PDE4D: variants seen among roughly 807,000 people sequenced by gnomAD.
The protein encoded by PDE4D is 3',5'-cyclic-AMP phosphodiesterase 4D.
In PDE4D, 24 loss-of-function variants were observed where a neutral mutation model predicts 87.4. The ratio of observed to expected loss-of-function variants is 0.27; its 90% confidence interval spans 0.20 to 0.39. The LOEUF is 0.39. Among genes scored for constraint, PDE4D ranks in the 10% least tolerant of loss-of-function variants. The pLI is 1.00. For missense variants in PDE4D, 714 were observed against 1,041.0 expected (o/e 0.69, Z 4.32); for synonymous variants, 384 against 383.2 (o/e 1.00, Z -0.02).
intron 1 of PDE4D, among the ~76,000 whole-genome samples, chr5:59,376,739 C>CA (rs1268927839): frequency 1.3e-5 from 2 of 151,938 alleles, no homozygotes; most frequent in African/African-American, 4.8e-5. Flanking sequence ...CAATCCTCAG[C>CA]AAAAAGAACA....
chr5:59,541,337 ATTG>A (rs1184328027), intron 1 of PDE4D, among the ~76,000 whole-genome samples: 1 of 152,222 alleles, frequency 6.6e-6, no homozygotes. Flanking sequence ...ATCAAAATAG[ATTG>A]TTTTTATAAA....
rs767287011 is a variant in PDE4D at position 59,243,448 on chromosome 5, CTTTTTTTTTTTTT to C, written c.456-27493_456-27481del. The stretch of plus-strand genomic sequence containing the variant: ...TCACTATACAATTTCTTAAAATAAC[CTTTTTTTTTTTTT>C]TTTTTTTTTTTTTTTGAGACGGAGT... On this transcript the variant is annotated intron_variant, in intron 1 of 14. Transcript: ENST00000340635. 4.1e-5 allele frequency among the ~76,000 whole-genome samples: 3 copies of C among 72,304 alleles called. No homozygotes were observed. The East Asian group carries it at 8.7e-4, about 21-fold the overall frequency. 47.4% of individuals were successfully genotyped at this position (72,304 alleles called of 152,430 possible).
rs146195403 is a variant in PDE4D, at chr5:59,643,937, A to G, written c.455+249231T>C. Among the ~76,000 whole-genome samples the G allele has an allele frequency of 1.8e-3, 276 of 152,306 alleles. 2 individuals carry two copies. The highest frequency in any genetic ancestry group is 5.4e-3 in the African/African-American group (225 of 41,564). ...CCCTCCCTCAATATCAATAATACCA[A>G]CATTTGTAGAAGGTATATAAATGTT... On this transcript the variant is annotated intron_variant, in intron 1 of 14. Transcript: ENST00000340635.
chr5:59,231,260 T>C (rs1196941672), intron 1 of PDE4D, among the ~76,000 whole-genome samples: 1 of 152,200 alleles, frequency 6.6e-6, no homozygotes, highest in East Asian at 1.9e-4. Context: ...TAATCAGGAC[T>C]GTGAGTATAG....
At chr5:60,339,063 A>G (rs896940054) in intron 1 of PDE4D, among the ~76,000 whole-genome samples, 4 of 152,114 alleles carry the variant, frequency 2.6e-5, no homozygotes, top group African/African-American at 9.7e-5. Context: ...TGTGGCCATA[A>G]CCTTTGCAGA....
intron 1 of PDE4D, among the ~76,000 whole-genome samples, chr5:60,500,552 C>G (rs1750023771): frequency 6.6e-6 from 1 of 152,102 alleles, no homozygotes; most frequent in Non-Finnish European, 1.5e-5. Context: ...TAATAACATG[C>G]ATTTACAAGG....
At chr5:60,302,807 C>T (rs1754031686) in intron 1 of PDE4D, among the ~76,000 whole-genome samples, 1 of 151,572 alleles carries the variant, frequency 6.6e-6, no homozygotes, top group African/African-American at 2.4e-5. Flanking sequence ...GAATTTAGTG[C>T]TATAAATTTT....
chr5:59,622,180 T>G (rs1229419670), intron 1 of PDE4D, among the ~76,000 whole-genome samples: 1 of 152,038 alleles, frequency 6.6e-6, no homozygotes, highest in Non-Finnish European at 1.5e-5. Flanking sequence ...TATATATATA[T>G]ATGCACACAC....
intron 5 of PDE4D, among the ~76,000 whole-genome samples, chr5:59,121,861 C>T (rs1287342393): frequency 6.6e-6 from 1 of 151,956 alleles, no homozygotes; most frequent in Non-Finnish European, 1.5e-5. Context: ...ATGTGGTATA[C>T]GGCCAGGCAC....
intron 3 of PDE4D, among the ~76,000 whole-genome samples, chr5:59,943,301 A>G (rs902623407): frequency 1.3e-5 from 2 of 152,050 alleles, no homozygotes; most frequent in Non-Finnish European, 2.9e-5. Flanking sequence ...ATGTTGGCCT[A>G]TTTGACTGCA....
intron 2 of PDE4D, among the ~76,000 whole-genome samples, chr5:60,106,424 C>T (rs999961243): frequency 2.6e-5 from 4 of 151,686 alleles, no homozygotes; most frequent in African/African-American, 9.7e-5. Flanking sequence ...CTTTAACACC[C>T]CACTGTCAAC....
intron 1 of PDE4D, among the ~76,000 whole-genome samples, chr5:59,329,776 C>G (rs908261629): frequency 2.0e-5 from 3 of 152,080 alleles, no homozygotes; most frequent in African/African-American, 7.2e-5. Context: ...AGTAGGTATT[C>G]AAAAATATTT....
At chr5:59,621,119 A>G (rs1830303596) in intron 1 of PDE4D, among the ~76,000 whole-genome samples, 1 of 152,136 alleles carries the variant, frequency 6.6e-6, no homozygotes, top group South Asian at 2.1e-4. Flanking sequence ...TAAGCCTATA[A>G]AACACTCCAG....
chr5:59,010,966 T>C (rs113887732), intron 6 of PDE4D, among the ~76,000 whole-genome samples: 9 of 152,108 alleles, frequency 5.9e-5, no homozygotes, highest in African/African-American at 2.2e-4. Flanking sequence ...ATCAGGTAGC[T>C]ACATTTGCCG....
At chr5:59,063,707 G>T (rs1329298452) in intron 5 of PDE4D, among the ~76,000 whole-genome samples, 1 of 152,040 alleles carries the variant, frequency 6.6e-6, no homozygotes, top group Non-Finnish European at 1.5e-5. Flanking sequence ...CTAACCTTTG[G>T]GTTATTCTAA....
intron 6 of PDE4D, among the ~76,000 whole-genome samples, chr5:59,005,211 C>T (rs1175883371): frequency 6.6e-6 from 1 of 152,166 alleles, no homozygotes; most frequent in Non-Finnish European, 1.5e-5. Context: ...CCTCTAAAAT[C>T]TGCAGCCTCT....
At chr5:58,976,814 T>A (rs898350595) in intron 12 of PDE4D, among the ~76,000 whole-genome samples, 13 of 152,128 alleles carry the variant, frequency 8.5e-5, no homozygotes, top group African/African-American at 2.9e-4. Flanking sequence ...ATAAGATGCA[T>A]AGAAAAAAGA....
chr5:59,960,558 A>G (rs935211362), intron 3 of PDE4D, among the ~76,000 whole-genome samples: 2 of 152,202 alleles, frequency 1.3e-5, no homozygotes, highest in Non-Finnish European at 2.9e-5. Flanking sequence ...TTGAAGCAAC[A>G]TGGATGCAGC....
intron 1 of PDE4D, among the ~76,000 whole-genome samples, chr5:60,315,000 C>A (rs1446472521): frequency 6.6e-6 from 1 of 152,044 alleles, no homozygotes; most frequent in African/African-American, 2.4e-5. Context: ...GGGTATATAC[C>A]CAGTAAGGGA....
Sources: gnomAD v4.1 joint callset for allele counts (sites outside exome capture counted in the v4.1 genomes callset) on GRCh38, gnomAD v4.1.1 for gene constraint, MANE v1.5 for transcripts, NCBI Gene and HGNC (gene_info 2026-07-23, HGNC 2026-07-21) for gene names.